The following CNTRL variants were observed in gnomAD, a reference collection of about 807,000 sequenced individuals.
The protein encoded by CNTRL is centriolin, also known as 110 kDa centrosomal protein.
CNTRL carries 233 observed loss-of-function variants against 303.7 expected under a neutral mutation model. The ratio of observed to expected loss-of-function variants is 0.77; its 90% CI spans 0.69 to 0.86. CNTRL has a LOEUF of 0.86. Among genes scored for constraint, CNTRL ranks in the 40% least tolerant of loss-of-function variants. The pLI is 0.00. For missense variants in CNTRL, 2,524 were observed against 2,650.6 expected (o/e 0.95, Z 1.05); for synonymous variants, 900 against 922.2 (o/e 0.98, Z 0.44).
intron 15 of CNTRL, among the ~76,000 whole-genome samples, chr9:121,138,325 C>G (rs2051307821): frequency 6.6e-6 from 1 of 152,112 alleles, no homozygotes; most frequent in South Asian, 2.1e-4. Flanking sequence ...TTGGGCTGAG[C>G]TGATTCTGAT....
chr9:121,095,138 T>C (rs943710230), intron 5 of CNTRL, 120 bp downstream of exon 5: 55 of 753,206 alleles, frequency 7.3e-5, no homozygotes, highest in Non-Finnish European at 1.1e-4. Flanking sequence ...TTTTTATCTT[T>C]ATTCATCAAT....
At chr9:121,175,496 T>C (rs540150208) in intron 43 of CNTRL, among the ~76,000 whole-genome samples, 2 of 152,292 alleles carry the variant, frequency 1.3e-5, no homozygotes, top group South Asian at 2.1e-4. Context: ...CTCAAACTCC[T>C]GGGCTCAAGC....
chr9:121,158,392 TAAG>T (rs764692069), intron 30 of CNTRL, among the ~76,000 whole-genome samples: 7 of 152,172 alleles, frequency 4.6e-5, no homozygotes, highest in Non-Finnish European at 1.0e-4. Flanking sequence ...GGTCATCTGA[TAAG>T]GGGGGATTTT....
rs1367473691 is a variant in CNTRL at position 121,158,036 on chromosome 9, A to G, written c.4691A>G (p.His1564Arg). Residue 1564 changes from histidine to arginine, a missense_variant, in exon 30 of 44, where the codon CAC (histidine) becomes CGC (arginine). Coordinates refer to ENST00000373855, the MANE Select transcript of CNTRL (RefSeq NM_007018.6). ...IEMAERNEDHHLQVLKESEVL... is the reference protein window; with the variant it reads ...IEMAERNEDHRLQVLKESEVL... ...ATGGCAGAACGCAATGAGGATCACC[A>G]CCTGCAGGTCCTTAAAGAATCTGAG... 1.2e-5 allele frequency: 20 copies of G among 1,614,028 alleles called. No homozygotes were observed. Among genetic ancestry groups the G allele is most frequent in the Non-Finnish European group, 1.6e-5 (19 of 1,180,006 alleles).
At chr9:121,084,895 G>C (rs1283292598) in intron 2 of CNTRL, among the ~76,000 whole-genome samples, 8 of 152,078 alleles carry the variant, frequency 5.3e-5, no homozygotes, top group Non-Finnish European at 1.0e-4. Context: ...ACCATTCTGA[G>C]CCTTAATGGT....
chr9:121,160,744 C>T (rs2052806581), intron 32 of CNTRL, among the ~76,000 whole-genome samples: 1 of 152,240 alleles, frequency 6.6e-6, no homozygotes, highest in Non-Finnish European at 1.5e-5. Context: ...CTTTGGGAGG[C>T]TGAGGCAAGA....
chr9:121,125,170 CTTT>C (rs759688532), intron 13 of CNTRL, among the ~76,000 whole-genome samples: 2 of 142,646 alleles, frequency 1.4e-5, no homozygotes, highest in Non-Finnish European at 1.5e-5. Context: ...GTAAATTAAA[CTTT>C]TTTTTTTTTT....
intron 27 of CNTRL, among the ~76,000 whole-genome samples, chr9:121,155,394 T>C (rs1304873805): frequency 1.3e-5 from 2 of 152,206 alleles, no homozygotes; most frequent in Non-Finnish European, 2.9e-5. Flanking sequence ...TTTCTTTTTT[T>C]TGTTTGAGAT....
intron 26 of CNTRL, among the ~76,000 whole-genome samples, chr9:121,153,118 C>T (rs2052373450): frequency 6.6e-6 from 1 of 152,238 alleles, no homozygotes; most frequent in Non-Finnish European, 1.5e-5. Flanking sequence ...AGCTCTCAAA[C>T]TGGTCCCTTT....
At position 121,160,197 on chromosome 9, in the gene CNTRL, C is replaced by A; in HGVS notation, c.4984C>A (p.Gln1662Lys). Reference sequence around the variant, plus strand: ...TTTTCAGAAAGGAGAACTAAATGTTCAGATTAGTGAAAGAAAAACTCAACT... The same window carrying A: ...TTTTCAGAAAGGAGAACTAAATGTTAAGATTAGTGAAAGAAAAACTCAACT... Reference protein sequence around the residue: ...LSFQKGELNVQISERKTQLTL... With the variant: ...LSFQKGELNVKISERKTQLTL... Residue 1662 changes from glutamine (Q) to lysine (K), a missense_variant, in exon 32 of 44, where the codon CAG (glutamine) becomes AAG (lysine). Gln to Lys is a moderately conservative substitution (Grantham distance 53). Transcript: ENST00000373855. 3 of 1,549,882 alleles carry A rather than the reference C, an allele frequency of 1.9e-6. No individual in the cohort carries two copies. In the South Asian group the frequency reaches 3.9e-5, roughly 20 times the overall value.
intron 12 of CNTRL, among the ~76,000 whole-genome samples, chr9:121,123,162 G>GAA (rs112930395): frequency 2.0e-5 from 3 of 151,888 alleles, no homozygotes; most frequent in African/African-American, 7.3e-5. Context: ...ATTACAAAAG[G>GAA]AAAAAATCCC....
chr9:121,129,482 T>G (rs2050731933), intron 14 of CNTRL, among the ~76,000 whole-genome samples: 1 of 152,150 alleles, frequency 6.6e-6, no homozygotes, highest in African/African-American at 2.4e-5. Context: ...GCACATTGAT[T>G]TTTGTATCCT....
chr9:121,161,113 T>C (rs1588307500), intron 32 of CNTRL, among the ~76,000 whole-genome samples: 2 of 146,332 alleles, frequency 1.4e-5, no homozygotes, highest in East Asian at 4.2e-4. Flanking sequence ...ATAGTCCCAG[T>C]TTATTTTAAA....
intron 5 of CNTRL, among the ~76,000 whole-genome samples, chr9:121,095,926 T>G (rs1297340251): frequency 6.6e-6 from 1 of 152,242 alleles, no homozygotes; most frequent in Non-Finnish European, 1.5e-5. Context: ...GATAAATGCT[T>G]TATTTAAAAG....
chr9:121,166,314 C>A (rs2053088794), intron 36 of CNTRL, 134 bp downstream of exon 36: 1 of 586,436 alleles, frequency 1.7e-6, no homozygotes, highest in Non-Finnish European at 3.0e-6. Context: ...TGTAACATAA[C>A]CATCACATAA....
intron 7 of CNTRL, among the ~76,000 whole-genome samples, chr9:121,105,115 G>A (rs781585330): frequency 7.2e-5 from 11 of 152,208 alleles, no homozygotes; most frequent in Non-Finnish European, 1.0e-4. Flanking sequence ...GGAGGCTAGC[G>A]TAGCAATCTA....
At chr9:121,088,804 A>T (rs1237077140) in intron 3 of CNTRL, among the ~76,000 whole-genome samples, 1 of 152,248 alleles carries the variant, frequency 6.6e-6, no homozygotes, top group East Asian at 1.9e-4. Context: ...CTTAAAACTC[A>T]TCCCAAAACT....
intron 4 of CNTRL, among the ~76,000 whole-genome samples, chr9:121,093,284 A>G (rs1390371568): frequency 6.6e-6 from 1 of 152,186 alleles, no homozygotes; most frequent in Non-Finnish European, 1.5e-5. Flanking sequence ...GATGTGGTAG[A>G]AGATATATTG....
intron 32 of CNTRL, chr9:121,161,599 C>T: frequency 2.4e-6 from 1 of 424,806 alleles, no homozygotes; most frequent in East Asian, 3.9e-5. Context: ...CCTTACACCT[C>T]AGCCTGCCAA....
Sources: allele counts gnomAD v4.1 joint callset (sites outside exome capture counted in the v4.1 genomes callset), GRCh38; gene constraint gnomAD v4.1.1; transcripts MANE v1.5; gene names NCBI Gene and HGNC (gene_info 2026-07-23, HGNC 2026-07-21).